NAV3: variants seen among roughly 807,000 people sequenced by gnomAD.
NAV3 encodes the protein neuron navigator 3.
In NAV3, 87 loss-of-function variants were observed where a neutral mutation model predicts 244.7. The observed-to-expected ratio is 0.36, with a 90% CI of 0.30 to 0.42. The LOEUF is 0.42. NAV3 is among the 20% of genes least tolerant of loss of function. The pLI, the probability that NAV3 is intolerant of heterozygous loss-of-function variation, is 1.00. For synonymous variants in NAV3, 1,126 were observed against 1,042.2 expected (o/e 1.08, Z -1.55); for missense variants, 2,663 against 2,893.3 (o/e 0.92, Z 1.83).
intron 9 of NAV3, among the ~76,000 whole-genome samples, chr12:78,041,961 G>A (rs780349010): frequency 8.7e-4 from 132 of 151,740 alleles, no homozygotes; most frequent in Non-Finnish European, 8.2e-4. Context: ...CTTCCATCCT[G>A]TTTCCATTCC....
chr12:78,188,645 G>T lies in NAV3; in HGVS notation c.5923G>T (p.Gly1975Cys), dbSNP rs2139851223. The T allele has an allele frequency of 1.2e-6, 2 of 1,611,800 alleles. No individual in the cohort carries two copies. Among genetic ancestry groups the T allele is most frequent in the Non-Finnish European group, 8.5e-7 (1 of 1,178,766 alleles). Reference protein sequence around the residue: ...VFRIDTSTSLGLSSDCIASYC... With the variant: ...VFRIDTSTSLCLSSDCIASYC... ...CCGAATTGATACATCCACTAGCCTT[G>T]GTCTGAGCTCTGACTGCATTGCTAG... The change falls in exon 33 of 40, where the codon GGT becomes TGT. Residue 1975 changes from glycine to cysteine, a missense_variant. This residue lies in a region of NAV3 where 543 missense variants were observed against 672.4 expected (regional missense o/e 0.81). Coordinates refer to ENST00000397909, the MANE Select transcript of NAV3 (RefSeq NM_001024383.2).
chr12:78,212,755 T>C lies in NAV3; in HGVS notation c.*2238T>C, dbSNP rs912491464. On this transcript the variant is annotated 3_prime_UTR_variant, in exon 40 of 40. Transcript: ENST00000397909. ...AACATTTGTCTGTATACATTTTATA[T>C]TTTGTACATTTTGATGTAACATATC... 26 of 152,666 alleles carry C rather than the reference T, an allele frequency of 1.7e-4. No homozygotes were observed. The highest frequency in any genetic ancestry group is 5.8e-4 in the African/African-American group (24 of 41,470). 9.5% of individuals were successfully genotyped at this position (152,666 alleles called of 1,614,324 possible). A position where few individuals can be genotyped will look rare whatever the true frequency, so the allele number is the denominator to read the frequency against.
intron 2 of NAV3, among the ~76,000 whole-genome samples, chr12:77,656,774 C>T (rs1481178589): frequency 4.6e-5 from 7 of 151,366 alleles, no homozygotes; most frequent in Non-Finnish European, 8.8e-5. Flanking sequence ...GACCACAGTG[C>T]GATCAAACTA....
At chr12:77,827,019 C>T (rs1016726036), upstream of NAV3, among the ~76,000 whole-genome samples, 6 of 152,156 alleles carry the variant, frequency 3.9e-5, no homozygotes, top group African/African-American at 1.2e-4. Flanking sequence ...ATCAGGAGTT[C>T]GAGACCAGTC....
intron 2 of NAV3, among the ~76,000 whole-genome samples, chr12:77,574,205 G>A (rs1318038138): frequency 6.6e-6 from 1 of 152,116 alleles, no homozygotes; most frequent in Non-Finnish European, 1.5e-5. Context: ...GGAAAATGGA[G>A]TTCTAATGAC....
chr12:77,859,777 A>AAAAAAAAT, intron 1 of NAV3, among the ~76,000 whole-genome samples: 1 of 150,776 alleles, frequency 6.6e-6, no homozygotes, highest in Non-Finnish European at 1.5e-5. Flanking sequence ...AAAAAAAAAA[A>AAAAAAAAT]AAAGACTAAA....
chr12:77,952,168 A>C (rs1222202348), intron 3 of NAV3, among the ~76,000 whole-genome samples: 1 of 151,344 alleles, frequency 6.6e-6, no homozygotes, highest in Non-Finnish European at 1.5e-5. Flanking sequence ...TATTTCTGCT[A>C]GTCTGTGGTT....
chr12:77,968,430 G>T, intron 4 of NAV3, 89 bp from the exon 5 acceptor site: 1 of 1,038,872 alleles, frequency 9.6e-7, no homozygotes, highest in South Asian at 1.4e-5. Flanking sequence ...TGTCTTCATA[G>T]ATTTATTTCA....
At chr12:78,130,314 G>T in intron 18 of NAV3, 1 of 194,226 alleles carries the variant, frequency 5.1e-6, no homozygotes, top group South Asian at 1.1e-4. Context: ...CTCTGAGTTG[G>T]ACAATTTCAT....
chr12:78,197,457 G>T, intron 35 of NAV3, 56 bp downstream of exon 35: 5 of 1,409,740 alleles, frequency 3.5e-6, no homozygotes, highest in South Asian at 3.2e-5. Flanking sequence ...CATCAAATTT[G>T]CCTTCTTGTA....
intron 2 of NAV3, among the ~76,000 whole-genome samples, chr12:77,722,630 G>C (rs1278008319): frequency 6.6e-6 from 1 of 151,998 alleles, no homozygotes; most frequent in Non-Finnish European, 1.5e-5. Context: ...GTTAAATCAT[G>C]TTATTATATG....
At chr12:77,669,452 G>A (rs1364821609) in intron 2 of NAV3, among the ~76,000 whole-genome samples, 1 of 152,098 alleles carries the variant, frequency 6.6e-6, no homozygotes, top group African/African-American at 2.4e-5. Flanking sequence ...CTGTCTTCAG[G>A]AGACTCACCT....
chr12:78,170,306 A>T (rs1957949636), intron 24 of NAV3, among the ~76,000 whole-genome samples: 1 of 151,628 alleles, frequency 6.6e-6, no homozygotes, highest in Non-Finnish European at 1.5e-5. Flanking sequence ...TATTCTTCAT[A>T]ACTCCTCCTC....
intron 2 of NAV3, among the ~76,000 whole-genome samples, chr12:77,649,063 G>A (rs1872717278): frequency 6.6e-6 from 1 of 152,200 alleles, no homozygotes; most frequent in South Asian, 2.1e-4. Flanking sequence ...TAAATAAAAT[G>A]TTATAATATA....
intron 16 of NAV3, among the ~76,000 whole-genome samples, chr12:78,125,029 A>T (rs972276): frequency 2.8e-4 from 42 of 152,220 alleles, no homozygotes; most frequent in Middle Eastern, 6.8e-3. Context: ...GACAATAGAA[A>T]TGCAAGCAAT....
At chr12:77,724,127 G>C (rs1297732647) in intron 2 of NAV3, among the ~76,000 whole-genome samples, 1 of 151,778 alleles carries the variant, frequency 6.6e-6, no homozygotes, top group Non-Finnish European at 1.5e-5. Flanking sequence ...AAAGTATCAA[G>C]ACATGTTAGA....
chr12:77,670,516 A>G (rs1335178262), intron 2 of NAV3, among the ~76,000 whole-genome samples: 5 of 152,204 alleles, frequency 3.3e-5, no homozygotes, highest in Non-Finnish European at 7.4e-5. Flanking sequence ...ATTCCCTATG[A>G]ACATAGATGC....
intron 2 of NAV3, among the ~76,000 whole-genome samples, chr12:77,716,421 C>A (rs896791425): frequency 4.6e-5 from 7 of 151,426 alleles, no homozygotes; most frequent in Non-Finnish European, 3.0e-5. Context: ...ATAAATGGTA[C>A]AAGTGGCATA....
chr12:78,189,899 A>G, intron 33 of NAV3, 85 bp from the exon 34 acceptor site: 1 of 977,650 alleles, frequency 1.0e-6, no homozygotes, highest in Admixed American at 2.1e-5. Flanking sequence ...TATGACTAAC[A>G]ATGCTGTTGC....
Sources: gnomAD v4.1 joint callset for allele counts (sites outside exome capture counted in the v4.1 genomes callset) on GRCh38, gnomAD v4.1.1 for gene constraint, gnomAD v4.1.1 regional missense constraint, MANE v1.5 for transcripts, NCBI Gene and HGNC (gene_info 2026-07-23, HGNC 2026-07-21) for gene names.